The following KIAA0586 variants were observed in gnomAD, a reference collection of about 807,000 sequenced individuals.
KIAA0586 encodes KIAA0586.
A neutral mutation model predicts 169.8 loss-of-function variants in KIAA0586; 144 were observed. The ratio of observed to expected loss-of-function variants is 0.85; its 90% confidence interval spans 0.74 to 0.97. The LOEUF (loss-of-function observed/expected upper bound fraction) is 0.97, where lower values mean the gene tolerates loss of function less well. Among genes scored for constraint, KIAA0586 ranks in the 50% least tolerant of loss-of-function variants. KIAA0586 has a pLI of 0.00. For missense variants in KIAA0586, 1,854 were observed against 1,823.0 expected, an observed-to-expected ratio of 1.02 and a Z score of -0.31; for synonymous variants, 625 against 612.4, an observed-to-expected ratio of 1.02 and a Z score of -0.30.
At chr14:58,515,972 A>G (rs2044722521) in intron 29 of KIAA0586, among the ~76,000 whole-genome samples, 1 of 152,104 alleles carries the variant, frequency 6.6e-6, no homozygotes, top group Non-Finnish European at 1.5e-5. Flanking sequence ...TAAGTAGCCT[A>G]AAGTCCAAGG....
At chr14:58,461,429 T>C (rs2040312993) in intron 14 of KIAA0586, among the ~76,000 whole-genome samples, 1 of 151,806 alleles carries the variant, frequency 6.6e-6, no homozygotes, top group South Asian at 2.1e-4. Flanking sequence ...TAGGAGAAAA[T>C]GATTTTTTTT....
chr14:58,443,960 A>C lies in KIAA0586; in HGVS notation c.592A>C (p.Ser198Arg), dbSNP rs375374719. ...ATAAPLIKVQ[S>R]DLEAKVNSVT... The stretch of plus-strand genomic sequence containing the variant: ...AATGTTTTTATTGTTTTAGGTGCAG[A>C]GTGATTTGGAAGCAAAAGTCAATTC... Residue 198 changes from serine to arginine, a missense_variant, in exon 6 of 31, where the codon AGT becomes CGT. Coordinates refer to ENST00000652326, the MANE Select transcript of KIAA0586 (RefSeq NM_001329943.3). The C allele has an allele frequency of 2.5e-6, 4 of 1,594,392 alleles. No homozygotes were observed. Among genetic ancestry groups the C allele is most frequent in the African/African-American group, 2.7e-5 (2 of 74,504 alleles).
At chr14:58,494,165 CACTTCT>C (rs1221272258) in intron 26 of KIAA0586, among the ~76,000 whole-genome samples, 3 of 150,580 alleles carry the variant, frequency 2.0e-5, no homozygotes, top group African/African-American at 7.3e-5. Context: ...CAGATATTGA[CACTTCT>C]ACTTCTGTTT....
intron 27 of KIAA0586, 141 bp from the exon 28 acceptor site, chr14:58,508,414 C>T (rs1284015466): frequency 1.6e-6 from 1 of 630,922 alleles, no homozygotes; most frequent in East Asian, 2.9e-5. Context: ...AAGGCTTGGT[C>T]CAGGTGTTTT....
intron 16 of KIAA0586, 98 bp downstream of exon 16, chr14:58,468,020 G>T: frequency 4.3e-6 from 3 of 696,800 alleles, no homozygotes; most frequent in South Asian, 2.6e-5. Context: ...TAAAAATATT[G>T]CTTTTGATCA....
chr14:58,491,676 A>G (rs2042841845), intron 25 of KIAA0586, among the ~76,000 whole-genome samples: 1 of 152,200 alleles, frequency 6.6e-6, no homozygotes, highest in African/African-American at 2.4e-5. Context: ...AGGCAAAGGG[A>G]CATTGAGGTC....
intron 14 of KIAA0586, among the ~76,000 whole-genome samples, chr14:58,461,430 G>T (rs1172972245): frequency 1.3e-5 from 2 of 151,784 alleles, no homozygotes; most frequent in Admixed American, 6.6e-5. Flanking sequence ...AGGAGAAAAT[G>T]ATTTTTTTTT....
chr14:58,515,287 GTTAT>G (rs1334272069), intron 29 of KIAA0586, among the ~76,000 whole-genome samples: 3 of 151,950 alleles, frequency 2.0e-5, no homozygotes, highest in Non-Finnish European at 4.4e-5. Context: ...TGTAATTGCT[GTTAT>G]TTGTCAAAAT....
At chr14:58,477,775 CT>C (rs1258624090) in intron 20 of KIAA0586, among the ~76,000 whole-genome samples, 3 of 151,442 alleles carry the variant, frequency 2.0e-5, no homozygotes, top group Admixed American at 6.6e-5. Flanking sequence ...TCTTCCTCTT[CT>C]TTTTCTCCTT....
rs1418773826 is a variant in KIAA0586 at position 58,529,658 on chromosome 14, C to G, written c.4430-10413C>G. Among the ~76,000 whole-genome samples, 7 of 152,248 alleles carry G rather than the reference C, an allele frequency of 4.6e-5. No individual in the cohort carries two copies. The East Asian group carries it at 1.4e-3, about 29-fold the overall frequency. On this transcript the variant is annotated intron_variant, in intron 29 of 30. Transcript: ENST00000652326. ...AAGGCCTTCAGTAAAATTCAACGCC[C>G]CTTCATGCTAGAAACTCTCAATAAA...
rs757072365 is a variant in KIAA0586 at position 58,467,939 on chromosome 14, G to T, written c.2442+17G>T. Reference sequence around the variant, plus strand: ...ACTGTGCAGGTATGCCAGGGTGCATGAGTAGAAAATTTTAAGGAAGAAAAA... The same window carrying T: ...ACTGTGCAGGTATGCCAGGGTGCATTAGTAGAAAATTTTAAGGAAGAAAAA... On this transcript the variant is annotated intron_variant, in intron 16 of 30. Transcript: ENST00000652326. 2 of 1,536,550 alleles carry T rather than the reference G, an allele frequency of 1.3e-6. No individual in the cohort carries two copies. The highest frequency in any genetic ancestry group is 2.8e-5 in the African/African-American group (2 of 71,702).
intron 29 of KIAA0586, among the ~76,000 whole-genome samples, chr14:58,531,369 T>C (rs2045960558): frequency 1.3e-5 from 2 of 151,084 alleles, no homozygotes; most frequent in African/African-American, 4.9e-5. Flanking sequence ...AAAAAAAAAT[T>C]GGGCAAAGGA....
chr14:58,523,808 C>G (rs965781189), intron 29 of KIAA0586, among the ~76,000 whole-genome samples: 9 of 151,622 alleles, frequency 5.9e-5, no homozygotes, highest in African/African-American at 2.2e-4. Flanking sequence ...AAGTGATCCT[C>G]CCACCTTGGC....
intron 28 of KIAA0586, among the ~76,000 whole-genome samples, chr14:58,509,285 T>G (rs2044218599): frequency 2.0e-5 from 3 of 152,176 alleles, no homozygotes; most frequent in Admixed American, 2.0e-4. Context: ...CGATTTCATT[T>G]ACATCTCTGT....
chr14:58,560,544 T>G, the KIAA0586 span, among the ~76,000 whole-genome samples: 3 of 152,206 alleles, frequency 2.0e-5, no homozygotes, highest in South Asian at 6.2e-4. Context: ...AGGTGTCCTG[T>G]GAGGTTTCTC....
At chr14:58,434,902 G>GC (rs781773126) in intron 4 of KIAA0586, among the ~76,000 whole-genome samples, 247 of 146,894 alleles carry the variant, frequency 1.7e-3, no homozygotes, top group Admixed American at 2.9e-3. Context: ...CCCCCTAACC[G>GC]CCCCCCCGCC....
chr14:58,523,273 T>C (rs1003071404), intron 29 of KIAA0586, among the ~76,000 whole-genome samples: 3 of 152,166 alleles, frequency 2.0e-5, no homozygotes, highest in African/African-American at 7.2e-5. Context: ...TGATTTCCTT[T>C]TTGTGGAATT....
At position 58,459,971 on chromosome 14, in the gene KIAA0586, A is replaced by G. The variant is rs371990780; in HGVS notation, c.1785A>G (p.Val595=). Reference sequence around the variant, plus strand: ...AAGATAAAACTGTCAACAAATCTGTAATTCCAAGAAAACATTCTCAAAAGC... The same window carrying G: ...AAGATAAAACTGTCAACAAATCTGTGATTCCAAGAAAACATTCTCAAAAGC... The part of the protein sequence containing the change: ...NTQDKTVNKS[V]IPRKHSQKQI... Residue 595 remains valine, a synonymous_variant, in exon 13 of 31, where the codon GTA becomes GTG. Transcript: ENST00000652326. The G allele has an allele frequency of 1.3e-6, 2 of 1,534,350 alleles. No individual in the cohort carries two copies. Among genetic ancestry groups the G allele is most frequent in the South Asian group, 2.4e-5 (2 of 83,998 alleles).
chr14:58,487,162 A>G lies in KIAA0586; in HGVS notation c.3300A>G (p.Glu1100=). 6.2e-7 allele frequency: 1 copy of G among 1,609,386 alleles called. No homozygotes were observed. The highest frequency in any genetic ancestry group is 8.5e-7 in the Non-Finnish European group (1 of 1,178,072). ...TTCCTGTGAAAGAAATATGTGCTGA[A>G]AAAGGTAGAAACTTTATTTCTATAA... ...MAFPVKEICA[E]KGDDMPAIML... The change falls in exon 22 of 31, where the codon GAA becomes GAG. Residue 1100 remains glutamate, a synonymous_variant. Coordinates refer to ENST00000652326, the MANE Select transcript of KIAA0586 (RefSeq NM_001329943.3).
Sources: allele counts gnomAD v4.1 joint callset (sites outside exome capture counted in the v4.1 genomes callset), GRCh38; gene constraint gnomAD v4.1.1; transcripts MANE v1.5; gene names NCBI Gene and HGNC (gene_info 2026-07-23, HGNC 2026-07-21).